CCDC73: variants seen among roughly 807,000 people sequenced by gnomAD.
CCDC73 encodes the protein coiled-coil domain containing 73.
A neutral mutation model predicts 116.5 loss-of-function variants in CCDC73; 95 were observed. The observed-to-expected ratio is 0.82, with a 90% CI of 0.69 to 0.97. CCDC73 has a LOEUF of 0.97. Among genes scored for constraint, CCDC73 ranks in the 50% least tolerant of loss-of-function variants. CCDC73 has a pLI of 0.00. For synonymous variants in CCDC73, 398 were observed against 401.3 expected (o/e 0.99, Z 0.10); for missense variants, 1,066 against 1,206.8 (o/e 0.88, Z 1.73).
chr11:32,679,659 C>T (rs1856126396), intron 7 of CCDC73, among the ~76,000 whole-genome samples: 1 of 152,046 alleles, frequency 6.6e-6, no homozygotes, highest in African/African-American at 2.4e-5. Context: ...CCACTGTGCC[C>T]GGCCAATTCA....
At chr11:32,824,822 G>A in the CCDC73 span, among the ~76,000 whole-genome samples, 1 of 152,176 alleles carries the variant, frequency 6.6e-6, no homozygotes, top group Non-Finnish European at 1.5e-5. Flanking sequence ...CGTGGCTCAT[G>A]CCTGTAATCC....
intron 2 of CCDC73, among the ~76,000 whole-genome samples, chr11:32,725,761 T>A (rs947210419): frequency 6.6e-6 from 1 of 152,122 alleles, no homozygotes; most frequent in African/African-American, 2.4e-5. Context: ...AGACTGATGA[T>A]GTAGAATACA....
intron 2 of CCDC73, among the ~76,000 whole-genome samples, chr11:32,723,884 A>G (rs1850010400): frequency 6.6e-6 from 1 of 152,146 alleles, no homozygotes. Context: ...AAGAATTTTT[A>G]TAACTTTTAA....
intron 13 of CCDC73, among the ~76,000 whole-genome samples, chr11:32,637,520 CCTTT>C (rs1475931839): frequency 2.6e-5 from 4 of 152,024 alleles, no homozygotes; most frequent in Non-Finnish European, 5.9e-5. Flanking sequence ...GAAACAGCTT[CCTTT>C]CTTGACTTCC....
chr11:32,729,414 C>G (rs1850056884), intron 2 of CCDC73, among the ~76,000 whole-genome samples: 1 of 152,140 alleles, frequency 6.6e-6, no homozygotes, highest in Non-Finnish European at 1.5e-5. Context: ...TTTATCCTGT[C>G]TATCACTCAT....
Position 32,654,907 on chromosome 11 carries a change from T to C in CCDC73, c.711A>G (p.Glu237=). ...CTTTAATTGTTAGATTGATGTTTTCTTCTCCCATCTTATATTGACATGTGA... is the reference window on the plus strand; with the variant it reads ...CTTTAATTGTTAGATTGATGTTTTCCTCTCCCATCTTATATTGACATGTGA... ...SKVTCQYKMG[E]ENINLTIKEQ... Residue 237 remains glutamate (E), a synonymous_variant, in exon 10 of 18, where the codon GAA becomes GAG. Transcript: ENST00000335185. The C allele has an allele frequency of 6.2e-7, 1 of 1,604,180 alleles. No individual in the cohort carries two copies.
chr11:32,741,066 T>C (rs2133356694), intron 2 of CCDC73, among the ~76,000 whole-genome samples: 1 of 152,300 alleles, frequency 6.6e-6, no homozygotes, highest in East Asian at 1.9e-4. Context: ...TTTAAATGTT[T>C]TAAGACTTGT....
At position 32,721,274 on chromosome 11, in the gene CCDC73, C is replaced by T. The variant is rs368279507; in HGVS notation, c.136-3127G>A. Among the ~76,000 whole-genome samples the T allele has an allele frequency of 4.5e-4, 68 of 152,262 alleles. 1 individual carries two copies. The South Asian group carries it at 0.014, about 32-fold the overall frequency. On this transcript the variant is annotated intron_variant, in intron 2 of 17. Coordinates refer to ENST00000335185, the MANE Select transcript of CCDC73 (RefSeq NM_001008391.4). ...TCCTGGCCTCAGGTGATCTGCCTGC[C>T]TCGGCCTCCCAAAGTGCTGCGATTA...
At chr11:32,694,280 CAGAG>C (rs977171029) in intron 6 of CCDC73, among the ~76,000 whole-genome samples, 8 of 152,104 alleles carry the variant, frequency 5.3e-5, no homozygotes, top group Admixed American at 1.3e-4. Context: ...AACAGACAAA[CAGAG>C]AGCCAAATCA....
At chr11:32,805,622 A>G in the CCDC73 span, among the ~76,000 whole-genome samples, 3 of 152,250 alleles carry the variant, frequency 2.0e-5, no homozygotes, top group Non-Finnish European at 4.4e-5. Flanking sequence ...AAAATCCTTC[A>G]GATCAGATTT....
intron 16 of CCDC73, among the ~76,000 whole-genome samples, 170 bp downstream of exon 16, chr11:32,613,252 C>A (rs1487750606): frequency 1.3e-5 from 2 of 152,176 alleles, no homozygotes; most frequent in Non-Finnish European, 2.9e-5. Context: ...GAAGCCTTAA[C>A]TACTTCACTG....
chr11:32,737,939 A>G (rs895724186), intron 2 of CCDC73, among the ~76,000 whole-genome samples: 2 of 152,286 alleles, frequency 1.3e-5, no homozygotes, highest in Middle Eastern at 6.8e-3. Flanking sequence ...AAGTGAGGAC[A>G]TGCAAAGTTT....
At chr11:32,715,203 C>A (rs1236700842) in intron 3 of CCDC73, among the ~76,000 whole-genome samples, 1 of 152,040 alleles carries the variant, frequency 6.6e-6, no homozygotes, top group African/African-American at 2.4e-5. Flanking sequence ...TTTCAAAGGT[C>A]CTTATCCTTA....
chr11:32,810,212 T>G, the CCDC73 span, among the ~76,000 whole-genome samples: 6 of 152,230 alleles, frequency 3.9e-5, no homozygotes, highest in African/African-American at 1.4e-4. Flanking sequence ...GGATTGCCCC[T>G]TGAATGGTAA....
chr11:32,760,220 C>G lies in CCDC73; in HGVS notation c.24G>C (p.Glu8Asp), dbSNP rs376739425. The G allele has an allele frequency of 5.1e-6, 8 of 1,580,768 alleles. No homozygotes were observed. Among genetic ancestry groups the G allele is most frequent in the Non-Finnish European group, 6.9e-6 (8 of 1,158,392 alleles). MESNFNT[E>D]SSSTFTLQSS... is the part of the protein sequence containing the mutation. ...TTTGAAGAGTAAAAGTAGATGATGA[C>G]TCAGTATTGAAGTTGCTTTCCATAT... The change falls in exon 2 of 18, where the codon GAG becomes GAC. Residue 8 changes from glutamate (E) to aspartate (D), a missense_variant. By Grantham distance (45) the Glu-to-Asp change is conservative. Coordinates refer to ENST00000335185, the MANE Select transcript of CCDC73 (RefSeq NM_001008391.4).
intron 2 of CCDC73, among the ~76,000 whole-genome samples, chr11:32,721,733 G>GCT (rs1470503138): frequency 9.0e-5 from 12 of 133,964 alleles, no homozygotes; most frequent in Non-Finnish European, 1.8e-4. Flanking sequence ...AGCTGGGAGG[G>GCT]ACTACAGGCA....
chr11:32,783,739 A>G (rs1850602987), intron 1 of CCDC73, among the ~76,000 whole-genome samples: 1 of 151,934 alleles, frequency 6.6e-6, no homozygotes. Flanking sequence ...ACCAAATACT[A>G]CCACACTGGG....
intron 2 of CCDC73, among the ~76,000 whole-genome samples, chr11:32,721,527 A>G (rs1314467625): frequency 2.0e-5 from 3 of 152,136 alleles, no homozygotes; most frequent in Non-Finnish European, 4.4e-5. Flanking sequence ...CATGTTGGAG[A>G]GAAACCAAAG....
At chr11:32,759,297 T>C (rs1040904927) in intron 2 of CCDC73, among the ~76,000 whole-genome samples, 1 of 151,484 alleles carries the variant, frequency 6.6e-6, no homozygotes, top group Non-Finnish European at 1.5e-5. Flanking sequence ...TTGCACAATA[T>C]AGATAGCCTG....
Sources: gnomAD v4.1 joint callset for allele counts (sites outside exome capture counted in the v4.1 genomes callset) on GRCh38, gnomAD v4.1.1 for gene constraint, MANE v1.5 for transcripts, NCBI Gene and HGNC (gene_info 2026-07-23, HGNC 2026-07-21) for gene names.